The following TYW1B variants were observed in gnomAD, a reference collection of about 807,000 sequenced individuals.
TYW1B encodes the protein S-adenosyl-L-methionine-dependent tRNA 4-demethylwyosine synthase TYW1B.
TYW1B carries 73 observed loss-of-function variants against 86.9 expected under a neutral mutation model. The ratio of observed to expected loss-of-function variants is 0.84; its 90% CI spans 0.70 to 1.02. The LOEUF (loss-of-function observed/expected upper bound fraction) is 1.02, where lower values mean the gene tolerates loss of function less well. Ranked by LOEUF, TYW1B falls within the 50% of genes least tolerant of loss-of-function variation. The pLI is 0.00. For missense variants in TYW1B, 637 were observed against 827.4 expected (o/e 0.77, Z 2.82); for synonymous variants, 248 against 292.8 (o/e 0.85, Z 1.56).
intron 11 of TYW1B, among the ~76,000 whole-genome samples, chr7:72,635,256 G>T (rs370272219): frequency 2.6e-5 from 4 of 152,082 alleles, no homozygotes; most frequent in East Asian, 1.9e-4. Flanking sequence ...TCTCCTTCTG[G>T]TTTTTTCTAT....
At chr7:72,650,006 C>T (rs1813020348) in intron 11 of TYW1B, among the ~76,000 whole-genome samples, 1 of 151,826 alleles carries the variant, frequency 6.6e-6, no homozygotes, top group Non-Finnish European at 1.5e-5. Context: ...TCTCCTGCCT[C>T]AGCCTCATGA....
In TYW1B at chr7:72,611,397, T is replaced by C. The variant is rs189436261; in HGVS notation, c.1785+5275A>G. On this transcript the variant is annotated intron_variant, in intron 13 of 13. Coordinates refer to ENST00000620995, the MANE Select transcript of TYW1B (RefSeq NM_001145440.3). ...ATTCCCACGTATTGTGGGAAGGACC[T>C]GGTGGGAGATAACTGAATCATGGGG... 4.5e-3 allele frequency among the ~76,000 whole-genome samples: 690 copies of C among 152,270 alleles called. 6 individuals are homozygous for C. The highest frequency in any genetic ancestry group is 0.014 in the African/African-American group (602 of 41,554).
chr7:72,671,509 A>G (rs1813601042), intron 11 of TYW1B, among the ~76,000 whole-genome samples: 1 of 152,194 alleles, frequency 6.6e-6, no homozygotes, highest in African/African-American at 2.4e-5. Flanking sequence ...CTGTTGACTC[A>G]AAGTGCACAT....
intron 11 of TYW1B, among the ~76,000 whole-genome samples, chr7:72,661,404 CAG>C (rs1307254978): frequency 2.6e-5 from 4 of 151,194 alleles, no homozygotes; most frequent in Admixed American, 6.6e-5. Context: ...ATGGGTCAGA[CAG>C]GGGGGAAAAA....
intron 7 of TYW1B, among the ~76,000 whole-genome samples, chr7:72,747,282 C>T (rs1455069219): frequency 6.6e-6 from 1 of 152,156 alleles, no homozygotes; most frequent in African/African-American, 2.4e-5. Context: ...GGGGTTTCCA[C>T]TTTTGCTTCT....
intron 12 of TYW1B, among the ~76,000 whole-genome samples, chr7:72,627,511 A>G (rs201395202): frequency 8.6e-6 from 1 of 116,248 alleles, no homozygotes; most frequent in Non-Finnish European, 1.9e-5. Flanking sequence ...ATAACATAAC[A>G]TAAATAAAAT....
intron 8 of TYW1B, among the ~76,000 whole-genome samples, chr7:72,731,418 A>AAC (rs1787107638): frequency 6.7e-6 from 1 of 149,188 alleles, no homozygotes; most frequent in Non-Finnish European, 1.5e-5. Context: ...AAAAAAAACA[A>AAC]GAGAGTAAGA....
intron 13 of TYW1B, among the ~76,000 whole-genome samples, chr7:72,596,436 A>G (rs568137074): frequency 1.1e-3 from 174 of 152,302 alleles, no homozygotes; most frequent in Non-Finnish European, 2.1e-3. Context: ...ACTGGCATAA[A>G]GACAGATATG....
At chr7:72,657,633 G>A (rs1211492770) in intron 11 of TYW1B, among the ~76,000 whole-genome samples, 4 of 152,160 alleles carry the variant, frequency 2.6e-5, no homozygotes, top group Non-Finnish European at 5.9e-5. Context: ...TAGACTAAGA[G>A]CAAATTTCTT....
chr7:72,821,653 G>A (rs1431557701), intron 2 of TYW1B, among the ~76,000 whole-genome samples: 2 of 152,172 alleles, frequency 1.3e-5, no homozygotes, highest in Admixed American at 6.6e-5. Context: ...AGTGAAGGTG[G>A]TAAGAAGTGA....
At chr7:72,826,719 A>G (rs1788936716) in intron 2 of TYW1B, 136 bp downstream of exon 2, 1 of 1,183,198 alleles carries the variant, frequency 8.5e-7, no homozygotes, top group Non-Finnish European at 1.1e-6. Context: ...AAACTTAGAG[A>G]AGAAATTTAT....
chr7:72,716,459 G>A (rs1229056204), intron 9 of TYW1B, among the ~76,000 whole-genome samples: 37 of 152,194 alleles, frequency 2.4e-4, no homozygotes, highest in Non-Finnish European at 4.6e-4. Flanking sequence ...CAAAGAACGT[G>A]GGCGAAATAA....
chr7:72,716,916 A>C (rs557166231), intron 9 of TYW1B, among the ~76,000 whole-genome samples: 1 of 150,784 alleles, frequency 6.6e-6, no homozygotes, highest in African/African-American at 2.4e-5. Flanking sequence ...CCCAGCCAAG[A>C]CATAGGGTTC....
At chr7:72,767,097 T>C (rs1448962987) in intron 7 of TYW1B, among the ~76,000 whole-genome samples, 1 of 151,984 alleles carries the variant, frequency 6.6e-6, no homozygotes, top group Non-Finnish European at 1.5e-5. Flanking sequence ...CTTGTGTGCC[T>C]GAAGACTCTA....
intron 13 of TYW1B, among the ~76,000 whole-genome samples, chr7:72,608,853 G>C (rs1185307624): frequency 1.3e-5 from 2 of 152,188 alleles, no homozygotes; most frequent in Admixed American, 1.3e-4. Flanking sequence ...GGACTACAAA[G>C]GAATAGCATG....
At chr7:72,624,273 C>T (rs1389728382) in intron 12 of TYW1B, among the ~76,000 whole-genome samples, 2 of 152,178 alleles carry the variant, frequency 1.3e-5, no homozygotes, top group Non-Finnish European at 2.9e-5. Context: ...CCAATGCATG[C>T]TCGTTGTAAT....
chr7:72,682,277 A>G (rs2129569980), intron 11 of TYW1B, among the ~76,000 whole-genome samples: 1 of 152,338 alleles, frequency 6.6e-6, no homozygotes, highest in South Asian at 2.1e-4. Flanking sequence ...CAGCACATAT[A>G]TCAAGTTTCA....
intron 11 of TYW1B, among the ~76,000 whole-genome samples, chr7:72,635,945 C>A (rs1812656274): frequency 6.6e-6 from 1 of 152,176 alleles, no homozygotes. Context: ...AATTCCAATG[C>A]GCAGCACGGC....
At chr7:72,810,176 G>A (rs1788578866) in intron 4 of TYW1B, among the ~76,000 whole-genome samples, 1 of 152,130 alleles carries the variant, frequency 6.6e-6, no homozygotes, top group South Asian at 2.1e-4. Context: ...TACTCGGGAG[G>A]TTGAGGCAGG....
Sources: allele counts gnomAD v4.1 joint callset (sites outside exome capture counted in the v4.1 genomes callset), GRCh38; gene constraint gnomAD v4.1.1; transcripts MANE v1.5; gene names NCBI Gene and HGNC (gene_info 2026-07-23, HGNC 2026-07-21).